BTBD7: variants seen among roughly 807,000 people sequenced by gnomAD.
BTBD7 encodes BTB/POZ domain-containing protein 7.
Under a neutral mutation model 99.9 loss-of-function variants are expected in BTBD7, and 38 were observed. The observed-to-expected ratio is 0.38, with a 90% CI of 0.29 to 0.50. BTBD7 has a LOEUF of 0.50. Among genes scored for constraint, BTBD7 ranks in the 20% least tolerant of loss-of-function variants. The pLI is 0.93. For synonymous variants in BTBD7, 520 were observed against 511.4 expected, an observed-to-expected ratio of 1.02 and a Z score of -0.23; for missense variants, 1,170 against 1,394.6, an observed-to-expected ratio of 0.84 and a Z score of 2.57.
intron 1 of BTBD7, among the ~76,000 whole-genome samples, chr14:93,323,813 T>C (rs773211361): frequency 6.6e-6 from 1 of 152,198 alleles, no homozygotes; most frequent in African/African-American, 2.4e-5. Flanking sequence ...ATTTAAAAAA[T>C]GGCTTACAAT....
intron 3 of BTBD7, among the ~76,000 whole-genome samples, chr14:93,267,128 G>T (rs970240979): frequency 2.6e-5 from 4 of 152,154 alleles, no homozygotes; most frequent in African/African-American, 9.7e-5. Context: ...AGAAAAGCTG[G>T]TTATTTAAAA....
chr14:93,256,926 T>G, intron 6 of BTBD7: 1 of 394,884 alleles, frequency 2.5e-6, no homozygotes, highest in South Asian at 5.6e-5. Flanking sequence ...GATCTACACT[T>G]AAATGACAGA....
At chr14:93,264,061 G>T in intron 3 of BTBD7, 68 bp from the exon 4 acceptor site, 1 of 1,400,260 alleles carries the variant, frequency 7.1e-7, no homozygotes, top group Non-Finnish European at 9.9e-7. Flanking sequence ...TAGTGTGCTA[G>T]GCACGATATT....
At chr14:93,309,507 C>G (rs2053113884) in intron 1 of BTBD7, among the ~76,000 whole-genome samples, 1 of 151,232 alleles carries the variant, frequency 6.6e-6, no homozygotes, top group Non-Finnish European at 1.5e-5. Context: ...ACCTCCACAC[C>G]CCTGCTAAAC....
At chr14:93,325,475 G>A (rs768434230) in intron 1 of BTBD7, among the ~76,000 whole-genome samples, 1 of 152,164 alleles carries the variant, frequency 6.6e-6, no homozygotes, top group Non-Finnish European at 1.5e-5. Flanking sequence ...AATAGCCAGA[G>A]ATGGAGAGGT....
rs2052888961 is a variant in BTBD7 at position 93,293,952 on chromosome 14, A to G, written c.1068T>C (p.Ala356=). Residue 356 remains alanine (A), a synonymous_variant, in exon 3 of 11, where the codon GCT becomes GCC. Coordinates refer to ENST00000334746, the MANE Select transcript of BTBD7 (RefSeq NM_001002860.4). ...PSVGSLSEVQ[A]LVAGKPNMTR... is the part of the protein sequence containing the mutation. ...TCATGTTTGGCTTCCCTGCGACGAG[A>G]GCCTGAACTTCACTGAGACTCCCCA... is the stretch of plus-strand genomic sequence containing the variant. 1 of 1,613,604 alleles carries G rather than the reference A, an allele frequency of 6.2e-7. No individual in the cohort carries two copies. Among genetic ancestry groups the G allele is most frequent in the Non-Finnish European group, 8.5e-7 (1 of 1,179,876 alleles).
In BTBD7 at chr14:93,242,314, G is replaced by A; in HGVS notation, c.3358C>T (p.Pro1120Ser). The change falls in exon 11 of 11, where the codon CCA becomes TCA. Residue 1120 changes from proline (P) to serine (S), a missense_variant. By Grantham distance (74) the Pro-to-Ser change is moderately conservative (BLOSUM62 -1). Coordinates refer to ENST00000334746, the MANE Select transcript of BTBD7 (RefSeq NM_001002860.4). ...EDSISRGRRSPSKPDFLYKKS... is the reference protein window; with the variant it reads ...EDSISRGRRSSSKPDFLYKKS... The stretch of plus-strand genomic sequence containing the variant: ...TTGTAGAGGAAGTCCGGCTTGCTTG[G>A]TGACCTCCTTCCTCTGCTTATTGAA... The A allele has an allele frequency of 1.2e-6, 2 of 1,614,094 alleles. No homozygotes were observed. Among genetic ancestry groups the A allele is most frequent in the South Asian group, 2.2e-5 (2 of 91,082 alleles).
intron 1 of BTBD7, among the ~76,000 whole-genome samples, chr14:93,316,924 C>T (rs1459278864): frequency 6.6e-6 from 1 of 152,130 alleles, no homozygotes; most frequent in Non-Finnish European, 1.5e-5. Context: ...TGAGATGAGG[C>T]AGGACATGTA....
intron 1 of BTBD7, among the ~76,000 whole-genome samples, chr14:93,315,721 T>C (rs1473910222): frequency 1.3e-5 from 2 of 152,236 alleles, no homozygotes; most frequent in Admixed American, 6.5e-5. Context: ...ATCCACATTG[T>C]AGCATTTATC....
At chr14:93,288,524 C>T (rs766034198) in intron 3 of BTBD7, 6 of 778,430 alleles carry the variant, frequency 7.7e-6, no homozygotes, top group Non-Finnish European at 1.4e-5. Context: ...AAGTTTTCTT[C>T]TGCTCCCTTC....
chr14:93,256,983 AC>A (rs1418575741), intron 6 of BTBD7: 3 of 517,622 alleles, frequency 5.8e-6, no homozygotes, highest in African/African-American at 5.8e-5. Flanking sequence ...AGACCTATTT[AC>A]CCACTCAACT....
Position 93,296,170 on chromosome 14 carries a change from T to TAA in BTBD7, c.-106-15_-106-14dup. 1 of 1,296,686 alleles carries TAA rather than the reference T, an allele frequency of 7.7e-7. No homozygotes were observed. 80.3% of individuals were successfully genotyped at this position (1,296,686 alleles called of 1,614,324 possible). On this transcript the variant is annotated splice_polypyrimidine_tract_variant and intron_variant, in intron 1 of 10. Coordinates refer to ENST00000334746, the MANE Select transcript of BTBD7 (RefSeq NM_001002860.4). ...TTTTCATCCATTTCTTGATATGAAATAAAAATAATTTAATTCATTTTTTCA... is the reference window on the plus strand; with the variant it reads ...TTTTCATCCATTTCTTGATATGAAATAAAAAAATAATTTAATTCATTTTTTCA...
chr14:93,286,207 G>T (rs777097689), intron 3 of BTBD7, among the ~76,000 whole-genome samples: 1 of 152,220 alleles, frequency 6.6e-6, no homozygotes, highest in African/African-American at 2.4e-5. Flanking sequence ...GGCTGCAGAA[G>T]AAAGTATATG....
chr14:93,294,466 A>G lies in BTBD7; in HGVS notation c.554T>C (p.Ile185Thr). ...GGGCATATCAATACCAGCTGTATTG[A>G]TGTCCATTATTATCTCTGCCCCATA... is the stretch of plus-strand genomic sequence containing the variant. ...PEYGAEIIMD[I>T]NTAGIDMPMF... is the part of the protein sequence containing the mutation. Residue 185 changes from isoleucine (I) to threonine (T), a missense_variant, in exon 3 of 11, where the codon ATC becomes ACC. Ile to Thr is a moderately conservative substitution (Grantham distance 89). Transcript: ENST00000334746. 6.2e-7 allele frequency: 1 copy of G among 1,614,164 alleles called. No homozygotes were observed. The highest frequency in any genetic ancestry group is 8.5e-7 in the Non-Finnish European group (1 of 1,180,040).
intron 10 of BTBD7, among the ~76,000 whole-genome samples, chr14:93,244,855 CTTTTTT>C (rs58775665): frequency 9.3e-6 from 1 of 107,472 alleles, no homozygotes; most frequent in African/African-American, 3.7e-5. Context: ...TCTTACAAAT[CTTTTTT>C]TTTTTTTTTT....
chr14:93,285,685 C>G (rs1478686368), intron 3 of BTBD7, among the ~76,000 whole-genome samples: 2 of 152,156 alleles, frequency 1.3e-5, no homozygotes, highest in Non-Finnish European at 2.9e-5. Context: ...ATTTTCAGAG[C>G]TGTTTACCCA....
chr14:93,290,044 G>A (rs1193816472), intron 3 of BTBD7, among the ~76,000 whole-genome samples: 1 of 151,682 alleles, frequency 6.6e-6, no homozygotes, highest in Non-Finnish European at 1.5e-5. Context: ...TAGAGACGGG[G>A]GTTTCACCAT....
chr14:93,314,990 C>A (rs117963184), intron 1 of BTBD7, among the ~76,000 whole-genome samples: 4 of 152,166 alleles, frequency 2.6e-5, no homozygotes, highest in East Asian at 1.9e-4. Flanking sequence ...AATATTCATA[C>A]GGGCCTTTTA....
intron 3 of BTBD7, 60 bp from the exon 4 acceptor site, chr14:93,264,053 G>A (rs1048392688): frequency 6.9e-7 from 1 of 1,455,048 alleles, no homozygotes; most frequent in Non-Finnish European, 9.6e-7. Context: ...TTGAACATTA[G>A]TGTGCTAGGC....
Sources: gnomAD v4.1 joint callset for allele counts (sites outside exome capture counted in the v4.1 genomes callset) on GRCh38, gnomAD v4.1.1 for gene constraint, MANE v1.5 for transcripts, NCBI Gene and HGNC (gene_info 2026-07-23, HGNC 2026-07-21) for gene names.